GML: variants seen among roughly 807,000 people sequenced by gnomAD.
GML encodes glycosylphosphatidylinositol anchored molecule like, also known as glycosyl-phosphatidylinositol-anchored molecule-like protein.
A neutral mutation model predicts 8.2 loss-of-function variants in GML; 5 were observed. That is an observed-to-expected ratio of 0.61 (90% CI 0.32 to 1.28). The LOEUF (loss-of-function observed/expected upper bound fraction) is 1.28. Ranked by LOEUF, GML falls within the 50% of genes most tolerant of loss-of-function variation. GML has a pLI of 0.06. For synonymous variants in GML, 72 were observed against 69.0 expected (o/e 1.04, Z -0.22); for missense variants, 191 against 198.3 (o/e 0.96, Z 0.22).
At chr8:142,835,461 T>C (rs923096536) in intron 1 of GML, among the ~76,000 whole-genome samples, 1 of 152,242 alleles carries the variant, frequency 6.6e-6, no homozygotes, top group African/African-American at 2.4e-5. Flanking sequence ...CGTTCTTTTC[T>C]GGCTCCTTGC....
Position 142,837,659 on chromosome 8 carries a change from G to A in GML, c.-22-2757G>A, listed in dbSNP as rs1015374438. On this transcript the variant is annotated intron_variant, in intron 1 of 3. Transcript: ENST00000220940. ...GCTCACCTTTCACACCGAATCCTCA[G>A]CTCGGACAGGTTTCCCTGTCTAGGC... Among the ~76,000 whole-genome samples, 12 of 145,530 alleles carry A rather than the reference G, an allele frequency of 8.2e-5. 2 individuals carry two copies. Among genetic ancestry groups the A allele is most frequent in the Non-Finnish European group, 1.8e-4 (12 of 66,788 alleles).
intron 1 of GML, among the ~76,000 whole-genome samples, chr8:142,838,552 AGACT>A (rs986636763): frequency 2.6e-5 from 4 of 152,224 alleles, no homozygotes; most frequent in African/African-American, 9.6e-5. Flanking sequence ...TTCTAACTCC[AGACT>A]GACTGTTGAG....
chr8:142,838,189 C>G (rs1013772587), intron 1 of GML, among the ~76,000 whole-genome samples: 1 of 151,764 alleles, frequency 6.6e-6, no homozygotes, highest in East Asian at 2.0e-4. Flanking sequence ...TTCTGAGCAG[C>G]CACAACCTAC....
chr8:142,838,168 T>C lies in GML; in HGVS notation c.-22-2248T>C, dbSNP rs55826910. Reference sequence around the variant, plus strand: ...TTTTAACTCTGTGGATTGATTTGCCTGGTTGTCACATTCTGAGCAGCCACA... The same window carrying C: ...TTTTAACTCTGTGGATTGATTTGCCCGGTTGTCACATTCTGAGCAGCCACA... On this transcript the variant is annotated intron_variant, in intron 1 of 3. Coordinates refer to ENST00000220940, the MANE Select transcript of GML (RefSeq NM_002066.3). Among the ~76,000 whole-genome samples the C allele has an allele frequency of 6.0e-4, 90 of 151,252 alleles. 1 individual carries two copies. Among genetic ancestry groups the C allele is most frequent in the South Asian group, 3.4e-3 (16 of 4,734 alleles).
chr8:142,837,956 G>A (rs1490487437), intron 1 of GML, among the ~76,000 whole-genome samples: 1 of 148,974 alleles, frequency 6.7e-6, no homozygotes, highest in Non-Finnish European at 1.5e-5. Context: ...AGCCAAGACG[G>A]CACTCTGGTT....
At position 142,841,148 on chromosome 8, in the gene GML, C is replaced by A. The variant is rs138790796; in HGVS notation, c.104C>A (p.Ala35Glu). The change falls in exon 3 of 4, where the codon GCG becomes GAG. Residue 35 changes from alanine to glutamate, a missense_variant. Physicochemically the swap from Ala to Glu is moderately radical, Grantham distance 107. Coordinates refer to ENST00000220940, the MANE Select transcript of GML (RefSeq NM_002066.3). ...WTYSLRCHDC[A>E]VINDFNCPNI... ...TACAGTTTGAGATGCCATGACTGTG[C>A]GGTCATAAATGACTTCAACTGTCCC... The A allele has an allele frequency of 1.9e-6, 3 of 1,576,246 alleles. No individual in the cohort carries two copies. The highest frequency in any genetic ancestry group is 2.6e-6 in the Non-Finnish European group (3 of 1,145,748).
intron 3 of GML, among the ~76,000 whole-genome samples, chr8:142,843,255 TACACACACACACACACACACAC>T (rs55778635): frequency 6.4e-5 from 9 of 140,000 alleles, no homozygotes; most frequent in African/African-American, 1.1e-4. Flanking sequence ...AAAAGGTTCA[TACACACACACACACACACACAC>T]ACACACACAC....
chr8:142,838,779 T>C (rs1816378037), intron 1 of GML, among the ~76,000 whole-genome samples: 1 of 152,128 alleles, frequency 6.6e-6, no homozygotes, highest in African/African-American at 2.4e-5. Flanking sequence ...CCTGGCTCTG[T>C]CTCCAGGACC....
chr8:142,836,476 C>T (rs1401832837), intron 1 of GML, among the ~76,000 whole-genome samples: 1 of 152,152 alleles, frequency 6.6e-6, no homozygotes, highest in Non-Finnish European at 1.5e-5. Context: ...ATCTTTTTCT[C>T]TTTAATGCTC....
chr8:142,834,863 G>C lies in GML; in HGVS notation c.-28G>C, dbSNP rs60783500. ...CACGCACACTGCGGGGCTCCGAGGG[G>C]CACAGGTCAGTTTCCTGAGGCGGGT... On this transcript the variant is annotated 5_prime_UTR_variant, in exon 1 of 4. Coordinates refer to ENST00000220940, the MANE Select transcript of GML (RefSeq NM_002066.3). 69,990 of 152,524 alleles carry C rather than the reference G, an allele frequency of 0.46. 16,287 individuals carry two copies. Among genetic ancestry groups the C allele is most frequent in the African/African-American group, 0.5 (20,658 of 41,470 alleles). 9.4% of individuals were successfully genotyped at this position (152,524 alleles called of 1,614,324 possible). A position where few individuals can be genotyped will look rare whatever the true frequency, so the allele number is the denominator to read the frequency against.
chr8:142,844,887 C>A (rs183706025), intron 3 of GML, among the ~76,000 whole-genome samples: 106 of 152,250 alleles, frequency 7.0e-4, no homozygotes, highest in Middle Eastern at 3.4e-3. Context: ...GCTAAAGCTG[C>A]GTATCAAACA....
chr8:142,837,120 C>T (rs564899460), intron 1 of GML, among the ~76,000 whole-genome samples: 1 of 151,656 alleles, frequency 6.6e-6, no homozygotes. Flanking sequence ...ATAGTGAAAC[C>T]CCGTCTCTAC....
intron 3 of GML, among the ~76,000 whole-genome samples, chr8:142,844,178 C>G (rs1159883236): frequency 1.3e-5 from 2 of 152,192 alleles, no homozygotes. Context: ...CCACATACTT[C>G]TGGTTTCTTG....
intron 1 of GML, among the ~76,000 whole-genome samples, chr8:142,836,916 T>A (rs1056499292): frequency 1.3e-5 from 2 of 152,222 alleles, no homozygotes; most frequent in Non-Finnish European, 2.9e-5. Flanking sequence ...TTTCTGAAAT[T>A]GAAATCTTTT....
chr8:142,842,496 C>T (rs1208809616), intron 3 of GML, among the ~76,000 whole-genome samples: 1 of 152,180 alleles, frequency 6.6e-6, no homozygotes, highest in Non-Finnish European at 1.5e-5. Context: ...AACTATCTTT[C>T]CCATAACTCC....
chr8:142,845,767 A>G (rs1816496275), intron 3 of GML, among the ~76,000 whole-genome samples: 1 of 152,184 alleles, frequency 6.6e-6, no homozygotes, highest in African/African-American at 2.4e-5. Flanking sequence ...GTTGCGATCG[A>G]TAACCTTCAC....
At chr8:142,838,472 G>T (rs1171771350) in intron 1 of GML, among the ~76,000 whole-genome samples, 1 of 152,144 alleles carries the variant, frequency 6.6e-6, no homozygotes, top group African/African-American at 2.4e-5. Context: ...GCTTCCCAGG[G>T]TGAGGATGAC....
rs573825201 is a variant in GML, at chr8:142,842,827, A to G, written c.181+1602A>G. Reference sequence around the variant, plus strand: ...AGGATAACGGTGCATGGCCTTTGATATTGCCCTGCAGAGTTGGGCTGTTCC... The same window carrying G: ...AGGATAACGGTGCATGGCCTTTGATGTTGCCCTGCAGAGTTGGGCTGTTCC... On this transcript the variant is annotated intron_variant, in intron 3 of 3. Transcript: ENST00000220940. Among the ~76,000 whole-genome samples, 179 of 152,270 alleles carry G rather than the reference A, an allele frequency of 1.2e-3. 1 individual carries two copies. The highest frequency in any genetic ancestry group is 1.9e-3 in the Non-Finnish European group (132 of 68,020).
At position 142,846,573 on chromosome 8, in the gene GML, G is replaced by A. The variant is rs538583064; in HGVS notation, c.360G>A (p.Arg120=). 3.7e-6 allele frequency: 6 copies of A among 1,613,604 alleles called. No homozygotes were observed. Among genetic ancestry groups the A allele is most frequent in the Non-Finnish European group, 5.1e-6 (6 of 1,179,648 alleles). ...CAGGAGGACCTACTAATCTTGAAAG[G>A]GACATGTTACCCGATGAAGTAACTG... ...CNAGGPTNLE[R]DMLPDEVTEE... Residue 120 remains arginine (R), a synonymous_variant, in exon 4 of 4, where the codon AGG becomes AGA. Coordinates refer to ENST00000220940, the MANE Select transcript of GML (RefSeq NM_002066.3).
Sources: allele counts gnomAD v4.1 joint callset (sites outside exome capture counted in the v4.1 genomes callset), GRCh38; gene constraint gnomAD v4.1.1; transcripts MANE v1.5; gene names NCBI Gene and HGNC (gene_info 2026-07-23, HGNC 2026-07-21).